Variants in AKAP13 observed in about 807,000 individuals in gnomAD.
The protein encoded by AKAP13 is A-kinase anchor protein 13.
AKAP13 carries 80 observed loss-of-function variants against 264.5 expected under a neutral mutation model. The ratio of observed to expected loss-of-function variants is 0.30; its 90% CI spans 0.25 to 0.36. The LOEUF (loss-of-function observed/expected upper bound fraction) is 0.36, where lower values mean the gene tolerates loss of function less well. Ranked by LOEUF, AKAP13 falls within the 10% of genes least tolerant of loss-of-function variation. The pLI is 1.00. For synonymous variants in AKAP13, 1,380 were observed against 1,250.2 expected (o/e 1.10, Z -2.19); for missense variants, 3,712 against 3,435.2 (o/e 1.08, Z -2.01).
chr15:85,512,912 A>G (rs749194216), intron 2 of AKAP13, among the ~76,000 whole-genome samples: 2 of 152,082 alleles, frequency 1.3e-5, no homozygotes, highest in Non-Finnish European at 2.9e-5. Flanking sequence ...GCTGGAGTGC[A>G]GTGGTGTGAT....
At chr15:85,741,833 C>T (rs190798284) in intron 35 of AKAP13, among the ~76,000 whole-genome samples, 2 of 151,864 alleles carry the variant, frequency 1.3e-5, no homozygotes, top group African/African-American at 4.8e-5. Context: ...TCTCTTGAGG[C>T]CAGGAGTTTG....
intron 5 of AKAP13, among the ~76,000 whole-genome samples, chr15:85,548,177 A>G (rs531469821): frequency 1.8e-4 from 28 of 152,338 alleles, no homozygotes. Flanking sequence ...GGCTCCAGCT[A>G]GTGACTAGGT....
At chr15:85,470,219 G>T (rs1187681885) in intron 1 of AKAP13, among the ~76,000 whole-genome samples, 2 of 152,186 alleles carry the variant, frequency 1.3e-5, no homozygotes, top group Admixed American at 1.3e-4. Flanking sequence ...AACCCAGAAG[G>T]CGGAGGTTGT....
At chr15:85,602,235 G>A (rs2080115193) in intron 8 of AKAP13, among the ~76,000 whole-genome samples, 1 of 151,972 alleles carries the variant, frequency 6.6e-6, no homozygotes, top group Admixed American at 6.6e-5. Context: ...GAGTGCGGTG[G>A]CACAATCTCG....
chr15:85,459,216 C>G (rs1427364154), intron 1 of AKAP13, among the ~76,000 whole-genome samples: 2 of 152,190 alleles, frequency 1.3e-5, no homozygotes, highest in Non-Finnish European at 2.9e-5. Flanking sequence ...TCCTTCGTCT[C>G]ACTCTGTCAC....
rs977401383 is a variant in AKAP13, at chr15:85,677,049, C to G, written c.5102-5109C>G. 13 of 985,320 alleles carry G rather than the reference C, an allele frequency of 1.3e-5. No individual in the cohort carries two copies. In the African/African-American group the frequency reaches 1.9e-4, roughly 15 times the overall value. The allele number at this position is 985,320 out of a possible 1,614,324, so 61.0% of individuals were successfully genotyped here. On this transcript the variant is annotated intron_variant, in intron 14 of 36. Coordinates refer to ENST00000394518, the MANE Select transcript of AKAP13 (RefSeq NM_007200.5). ...CGCTCCTCCTTAAGTCTAAAACTCT[C>G]TTTTCTCTTGGCTCTTCTTATTCGA...
chr15:85,585,254 G>C (rs958453719), intron 7 of AKAP13, among the ~76,000 whole-genome samples: 1 of 152,186 alleles, frequency 6.6e-6, no homozygotes, highest in East Asian at 1.9e-4. Context: ...ACTTGTCCCA[G>C]AGGCTTTTTC....
At chr15:85,410,998 C>T (rs1016256744) in intron 1 of AKAP13, among the ~76,000 whole-genome samples, 3 of 148,542 alleles carry the variant, frequency 2.0e-5, no homozygotes, top group Admixed American at 2.0e-4. Context: ...TTCATTGATC[C>T]TATAACATTG....
intron 7 of AKAP13, chr15:85,583,235 C>G (rs2079197753): frequency 1.1e-6 from 1 of 929,232 alleles, no homozygotes; most frequent in African/African-American, 1.8e-5. Context: ...AATCCCTTTA[C>G]ACATATGTAT....
intron 14 of AKAP13, among the ~76,000 whole-genome samples, chr15:85,680,645 G>A (rs2084539399): frequency 6.6e-6 from 1 of 152,156 alleles, no homozygotes; most frequent in South Asian, 2.1e-4. Flanking sequence ...CAGGAGGATT[G>A]CCTGAGCCCA....
At position 85,741,280 on chromosome 15, in the gene AKAP13, C is replaced by A. The variant is rs1325948576; in HGVS notation, c.7843C>A (p.Arg2615=). 4 of 1,610,232 alleles carry A rather than the reference C, an allele frequency of 2.5e-6. No individual in the cohort carries two copies. The highest frequency in any genetic ancestry group is 3.4e-6 in the Non-Finnish European group (4 of 1,178,414). The change falls in exon 35 of 37, where the codon CGG becomes AGG. Residue 2615 remains arginine (R), a synonymous_variant. Transcript: ENST00000394518. ...WEARERELRE[R]EALLAQREEE... Reference sequence around the variant, plus strand: ...AGCTCGTGAGAGGGAGCTGCGGGAGCGGGAGGCCCTCCTGGCCCAGCGCGA... The same window carrying A: ...AGCTCGTGAGAGGGAGCTGCGGGAGAGGGAGGCCCTCCTGGCCCAGCGCGA...
rs928604591 is a variant in AKAP13, at chr15:85,481,059, T to C, written c.-11-4651T>C. 3 of 152,326 alleles carry C rather than the reference T, an allele frequency of 2.0e-5. No homozygotes were observed. In the East Asian group the frequency reaches 5.8e-4, roughly 29 times the overall value. The allele number at this position is 152,326 out of a possible 1,614,324, so 9.4% of individuals were successfully genotyped here. Reference sequence around the variant, plus strand: ...GTTAGTATATAAACATTTTCGTAGCTTCTGAGGTTTTGCAGTCATTTGTTC... The same window carrying C: ...GTTAGTATATAAACATTTTCGTAGCCTCTGAGGTTTTGCAGTCATTTGTTC... On this transcript the variant is annotated intron_variant, in intron 1 of 36. Coordinates refer to ENST00000394518, the MANE Select transcript of AKAP13 (RefSeq NM_007200.5).
intron 23 of AKAP13, among the ~76,000 whole-genome samples, chr15:85,720,685 A>G (rs2087228783): frequency 6.6e-6 from 1 of 152,228 alleles, no homozygotes; most frequent in Admixed American, 6.5e-5. Context: ...GCTGTGTAGA[A>G]GCAGAGGCTT....
intron 10 of AKAP13, among the ~76,000 whole-genome samples, chr15:85,651,885 T>C (rs2082869855): frequency 6.6e-6 from 1 of 152,246 alleles, no homozygotes; most frequent in Non-Finnish European, 1.5e-5. Context: ...TTAGATTATA[T>C]GGTAGGTATA....
At chr15:85,475,090 G>A (rs1172482833) in intron 1 of AKAP13, among the ~76,000 whole-genome samples, 1 of 152,166 alleles carries the variant, frequency 6.6e-6, no homozygotes, top group Non-Finnish European at 1.5e-5. Flanking sequence ...CCATTGGACA[G>A]CCTGCTTTTT....
chr15:85,395,260 G>A (rs7174227), intron 1 of AKAP13, among the ~76,000 whole-genome samples: 137 of 152,282 alleles, frequency 9.0e-4, no homozygotes, highest in Non-Finnish European at 1.6e-3. Flanking sequence ...TAATGGGGCT[G>A]TATAAGAATG....
At chr15:85,744,337 G>C (rs1326779799) in intron 36 of AKAP13, 1 of 401,214 alleles carries the variant, frequency 2.5e-6, no homozygotes, top group Non-Finnish European at 4.5e-6. Flanking sequence ...CTTCTCTTTA[G>C]GATTGATCTC....
intron 2 of AKAP13, among the ~76,000 whole-genome samples, chr15:85,501,027 G>A (rs11636027): frequency 0.24 from 37,269 of 152,150 alleles, 6,040 homozygotes; most frequent in Middle Eastern, 0.41. Flanking sequence ...CAATCTGATT[G>A]TGGGAGTATT....
intron 5 of AKAP13, among the ~76,000 whole-genome samples, chr15:85,544,951 G>A (rs1176659198): frequency 6.6e-6 from 1 of 152,208 alleles, no homozygotes; most frequent in Non-Finnish European, 1.5e-5. Flanking sequence ...GGACCAAAAA[G>A]AGACCTCAGA....
Sources: gnomAD v4.1 joint callset for allele counts (sites outside exome capture counted in the v4.1 genomes callset) on GRCh38, gnomAD v4.1.1 for gene constraint, MANE v1.5 for transcripts, NCBI Gene and HGNC (gene_info 2026-07-23, HGNC 2026-07-21) for gene names.